Variants in PDE2A observed in about 807,000 individuals in gnomAD.
PDE2A encodes phosphodiesterase 2A, also known as cGMP-dependent 3',5'-cyclic phosphodiesterase.
Under a neutral mutation model 133.6 loss-of-function variants are expected in PDE2A, and 53 were observed. The ratio of observed to expected loss-of-function variants is 0.40; its 90% CI spans 0.32 to 0.50. The LOEUF (loss-of-function observed/expected upper bound fraction) is 0.50, where lower values mean the gene tolerates loss of function less well. Ranked by LOEUF, PDE2A falls within the 20% of genes least tolerant of loss-of-function variation. PDE2A has a pLI of 0.73. For missense variants in PDE2A, 796 were observed against 1,232.4 expected (o/e 0.65, Z 5.30); for synonymous variants, 491 against 490.2 (o/e 1.00, Z -0.02).
chr11:72,663,467 G>A (rs555782275), intron 1 of PDE2A, among the ~76,000 whole-genome samples: 3 of 152,262 alleles, frequency 2.0e-5, no homozygotes, highest in African/African-American at 2.4e-5. Flanking sequence ...AGTGGTTCAC[G>A]CCTGTAATCC....
At chr11:72,656,655 G>A (rs1159256279) in intron 1 of PDE2A, among the ~76,000 whole-genome samples, 3 of 151,924 alleles carry the variant, frequency 2.0e-5, no homozygotes, top group African/African-American at 7.3e-5. Context: ...TCAAACTGAG[G>A]GCAAAGTCAC....
intron 1 of PDE2A, chr11:72,652,581 A>AAGGGGAAGGG: frequency 2.2e-6 from 1 of 456,294 alleles, no homozygotes; most frequent in Non-Finnish European, 4.4e-6. Context: ...AACAACTTTA[A>AAGGGGAAGGG]AGGGGAAGGG....
rs548127826 is a variant in PDE2A, at chr11:72,615,175, A to G, written c.145-6424T>C. ...TCCCAAGGGTGTCCCCATCCACAGG[A>G]GCCTGACCCCACACTGTTGGCTCCT... On this transcript the variant is annotated intron_variant, in intron 2 of 30. Transcript: ENST00000334456. 2.2e-5 allele frequency: 10 copies of G among 448,636 alleles called. No homozygotes were observed. The East Asian group carries it at 5.5e-4, about 25-fold the overall frequency. 27.8% of individuals were successfully genotyped at this position (448,636 alleles called of 1,614,324 possible). A position where few individuals can be genotyped will look rare whatever the true frequency, so the allele number is the denominator to read the frequency against.
rs374786172 is a variant in PDE2A at position 72,674,209 on chromosome 11, A to T, written c.-2T>A. 5 of 1,607,696 alleles carry T rather than the reference A, an allele frequency of 3.1e-6. No individual in the cohort carries two copies. In the African/African-American group the frequency reaches 6.7e-5, roughly 22 times the overall value. ...GGAGTGGCCGCATGCCTGCCCCATC[A>T]CTCCTCATCGTCCGCCTCCCCAGCC... On this transcript the variant is annotated 5_prime_UTR_variant, in exon 1 of 31. Transcript: ENST00000334456.
chr11:72,620,827 AG>A (rs1310883348), intron 2 of PDE2A, among the ~76,000 whole-genome samples: 1 of 151,170 alleles, frequency 6.6e-6, no homozygotes, highest in African/African-American at 2.4e-5. Context: ...AGTGGGCAGG[AG>A]GGGGTATCGC....
chr11:72,593,710 T>C (rs1275194216), intron 6 of PDE2A, among the ~76,000 whole-genome samples: 1 of 152,004 alleles, frequency 6.6e-6, no homozygotes, highest in African/African-American at 2.4e-5. Flanking sequence ...ACACAAAAAA[T>C]TTGCAATCAA....
In PDE2A at chr11:72,584,639, G is replaced by A; in HGVS notation, c.1449C>T (p.Ala483=). The change falls in exon 18 of 31, where the codon GCC becomes GCT. Residue 483 remains alanine, a synonymous_variant. Transcript: ENST00000334456. ...CCACGCCGCGGTAGAAAAGCGGATG[G>A]GCATATGCGTCAGGGATGTTCAGGA... The part of the protein sequence containing the change: ...GQILNIPDAY[A]HPLFYRGVDD... 6.2e-7 allele frequency: 1 copy of A among 1,613,362 alleles called. No individual in the cohort carries two copies. Among genetic ancestry groups the A allele is most frequent in the East Asian group, 2.2e-5 (1 of 44,884 alleles).
intron 2 of PDE2A, among the ~76,000 whole-genome samples, chr11:72,619,982 T>A (rs895464501): frequency 6.6e-6 from 1 of 151,998 alleles, no homozygotes; most frequent in African/African-American, 2.4e-5. Flanking sequence ...GTGTGCACAT[T>A]AGAAAGGAGG....
chr11:72,591,478 G>T, intron 6 of PDE2A, 122 bp from the exon 7 acceptor site: 1 of 724,022 alleles, frequency 1.4e-6, no homozygotes, highest in Non-Finnish European at 2.5e-6. Flanking sequence ...CAGTCTGTGG[G>T]CCTCAGTGAT....
chr11:72,608,873 G>A, intron 2 of PDE2A, 122 bp from the exon 3 acceptor site: 3 of 641,946 alleles, frequency 4.7e-6, no homozygotes, highest in Admixed American at 2.4e-5. Context: ...TCAGGCACAG[G>A]AATCCCAGGA....
chr11:72,581,180 G>C (rs1300140491), intron 23 of PDE2A, among the ~76,000 whole-genome samples, 177 bp downstream of exon 23: 2 of 152,176 alleles, frequency 1.3e-5, no homozygotes, highest in Non-Finnish European at 2.9e-5. Flanking sequence ...TAGCTGCTTG[G>C]CTGTGAGCAA....
At chr11:72,606,401 C>G (rs1206501371) in intron 3 of PDE2A, among the ~76,000 whole-genome samples, 1 of 152,176 alleles carries the variant, frequency 6.6e-6, no homozygotes, top group African/African-American at 2.4e-5. Flanking sequence ...CAGTTGCCTT[C>G]CATGACTCTG....
At chr11:72,586,629 G>A (rs527812330) in intron 13 of PDE2A, among the ~76,000 whole-genome samples, 3 of 152,350 alleles carry the variant, frequency 2.0e-5, no homozygotes, top group Admixed American at 1.3e-4. Context: ...TTAGGGTGGT[G>A]GTGTGGAGAG....
intron 16 of PDE2A, among the ~76,000 whole-genome samples, 162 bp downstream of exon 16, chr11:72,585,209 T>C (rs1855910211): frequency 6.6e-6 from 1 of 151,454 alleles, no homozygotes; most frequent in Admixed American, 6.6e-5. Flanking sequence ...TATTGGAGCC[T>C]ACAGTCTAGC....
chr11:72,627,705 T>C (rs1289240811), intron 2 of PDE2A, among the ~76,000 whole-genome samples: 3 of 152,172 alleles, frequency 2.0e-5, no homozygotes, highest in Non-Finnish European at 4.4e-5. Flanking sequence ...GGGCAGTGCA[T>C]TTCAGTACTT....
At chr11:72,632,870 A>G (rs1279510882) in intron 2 of PDE2A, among the ~76,000 whole-genome samples, 1 of 137,986 alleles carries the variant, frequency 7.2e-6, no homozygotes, top group African/African-American at 2.7e-5. Context: ...GTCCCTCCCC[A>G]ACCCCACCTA....
In PDE2A at chr11:72,644,654, C is replaced by T. The variant is rs775433663; in HGVS notation, c.72-2328G>A. Among the ~76,000 whole-genome samples, 8 of 152,252 alleles carry T rather than the reference C, an allele frequency of 5.3e-5. No homozygotes were observed. The East Asian group carries it at 7.7e-4, about 15-fold the overall frequency. On this transcript the variant is annotated intron_variant, in intron 1 of 30. Coordinates refer to ENST00000334456, the MANE Select transcript of PDE2A (RefSeq NM_002599.5). Reference sequence around the variant, plus strand: ...TCAACAGCCGACCCTGGCCTGGCACCGCCACCATCTCTTGGGCTCCCAACT... The same window carrying T: ...TCAACAGCCGACCCTGGCCTGGCACTGCCACCATCTCTTGGGCTCCCAACT...
intron 1 of PDE2A, among the ~76,000 whole-genome samples, chr11:72,671,919 A>C (rs1855393919): frequency 6.6e-6 from 1 of 152,032 alleles, no homozygotes; most frequent in African/African-American, 2.4e-5. Flanking sequence ...GCCTTCCATG[A>C]GCCTTTTCCC....
In PDE2A at chr11:72,670,032, G is replaced by GC. The variant is rs375728734; in HGVS notation, c.71+4104dup. On this transcript the variant is annotated intron_variant, in intron 1 of 30. Coordinates refer to ENST00000334456, the MANE Select transcript of PDE2A (RefSeq NM_002599.5). ...CCCACTCCTCTCCTGCTCCACCACG[G>GC]CCCAGGGCTTCCCCCCAGCCTGGCA... Among the ~76,000 whole-genome samples, 327 of 152,198 alleles carry GC rather than the reference G, an allele frequency of 2.1e-3. 1 individual carries two copies. The highest frequency in any genetic ancestry group is 7.6e-3 in the African/African-American group (317 of 41,496).
Sources: allele counts gnomAD v4.1 joint callset (sites outside exome capture counted in the v4.1 genomes callset), GRCh38; gene constraint gnomAD v4.1.1; transcripts MANE v1.5; gene names NCBI Gene and HGNC (gene_info 2026-07-23, HGNC 2026-07-21).